The following RIPK4 variants were observed in gnomAD, a reference collection of about 807,000 sequenced individuals.
RIPK4 encodes receptor-interacting serine/threonine-protein kinase 4.
A neutral mutation model predicts 42.9 loss-of-function variants in RIPK4; 17 were observed. The ratio of observed to expected loss-of-function variants is 0.40; its 90% confidence interval spans 0.27 to 0.59. RIPK4 has a LOEUF of 0.59. RIPK4 is among the 20% of genes least tolerant of loss of function. RIPK4 has a pLI of 0.47. For missense variants in RIPK4, 897 were observed against 1,104.4 expected, an observed-to-expected ratio of 0.81 and a Z score of 2.66; for synonymous variants, 498 against 499.1, an observed-to-expected ratio of 1.00 and a Z score of 0.03.
rs2146043029 is a variant in RIPK4 at position 41,739,650 on chromosome 21, G to A, written c.*1188C>T. Reference sequence around the variant, plus strand: ...AAACTTATTCTAATAACAGTATTCAGAAGGCACCCTATGGGACACAGGTGA... The same window carrying A: ...AAACTTATTCTAATAACAGTATTCAAAAGGCACCCTATGGGACACAGGTGA... On this transcript the variant is annotated 3_prime_UTR_variant, in exon 8 of 8. Coordinates refer to ENST00000332512, the MANE Select transcript of RIPK4 (RefSeq NM_020639.3). 6.6e-6 allele frequency: 1 copy of A among 152,328 alleles called. No homozygotes were observed. The highest frequency in any genetic ancestry group is 6.5e-5 in the Admixed American group (1 of 15,306). 9.4% of individuals were successfully genotyped at this position (152,328 alleles called of 1,614,324 possible).
At position 41,741,910 on chromosome 21, in the gene RIPK4, G is replaced by T; in HGVS notation, c.1283C>A (p.Pro428Gln). Residue 428 changes from proline to glutamine, a missense_variant, in exon 8 of 8, where the codon CCG (proline) becomes CAG (glutamine). Physicochemically the swap from Pro to Gln is moderately conservative, Grantham distance 76. Transcript: ENST00000332512. ...DTSKLMKILQPQDVDLALDSG... is the reference protein window; with the variant it reads ...DTSKLMKILQQQDVDLALDSG... Reference sequence around the variant, plus strand: ...GTCCAGTGCCAGGTCCACGTCCTGCGGCTGCAGGATCTTCATCAGTTTGCT... The same window carrying T: ...GTCCAGTGCCAGGTCCACGTCCTGCTGCTGCAGGATCTTCATCAGTTTGCT... 2 of 1,613,390 alleles carry T rather than the reference G, an allele frequency of 1.2e-6. No individual in the cohort carries two copies.
intron 2 of RIPK4, among the ~76,000 whole-genome samples, chr21:41,754,128 G>A (rs1271144313): frequency 6.6e-6 from 1 of 152,072 alleles, no homozygotes; most frequent in Non-Finnish European, 1.5e-5. Flanking sequence ...CTAATTGCAG[G>A]ATTCTGGATT....
rs775714952 is a variant in RIPK4 at position 41,755,982 on chromosome 21, C to T, written c.474+543G>A. The stretch of plus-strand genomic sequence containing the variant: ...CAAGCTCCATCTCCCAGGCGTTGCA[C>T]TAACGCAACACGCTGCCACTCCGCA... On this transcript the variant is annotated intron_variant, in intron 2 of 7. Transcript: ENST00000332512. This position sits in a 1 kb window ranked among gnomAD's most constrained non-coding sequence, Gnocchi z 4.2. Among the ~76,000 whole-genome samples, 1 of 152,256 alleles carries T rather than the reference C, an allele frequency of 6.6e-6. No individual in the cohort carries two copies. Among genetic ancestry groups the T allele is most frequent in the Non-Finnish European group, 1.5e-5 (1 of 68,054 alleles).
chr21:41,744,817 C>T (rs73903702), intron 6 of RIPK4, among the ~76,000 whole-genome samples: 2,132 of 152,282 alleles, frequency 0.014, 54 homozygotes, highest in African/African-American at 0.049. Context: ...GGGAAGGACC[C>T]GGCTACAGGG....
intron 7 of RIPK4, 48 bp downstream of exon 7, chr21:41,743,834 T>C (rs986146299): frequency 1.3e-6 from 2 of 1,533,978 alleles, no homozygotes; most frequent in African/African-American, 1.4e-5. Flanking sequence ...CAGTCCACTG[T>C]CCCGCCAAGC....
chr21:41,752,186 G>T (rs541278694), intron 2 of RIPK4, among the ~76,000 whole-genome samples: 1 of 152,312 alleles, frequency 6.6e-6, no homozygotes, highest in African/African-American at 2.4e-5. Context: ...TGATCCAGGG[G>T]GAGTGCTGCT....
At chr21:41,747,764 G>A (rs371955218) in intron 4 of RIPK4, among the ~76,000 whole-genome samples, 13 of 152,286 alleles carry the variant, frequency 8.5e-5, no homozygotes, top group African/African-American at 2.6e-4. Flanking sequence ...GTAAACGCCC[G>A]GAATGTTTCC....
intron 1 of RIPK4, among the ~76,000 whole-genome samples, chr21:41,765,269 G>A (rs2061232744): frequency 6.6e-6 from 1 of 152,186 alleles, no homozygotes; most frequent in South Asian, 2.1e-4. Context: ...CCTAACCACT[G>A]GCTGGTATTC....
chr21:41,759,743 T>C (rs1353921543), intron 1 of RIPK4, among the ~76,000 whole-genome samples: 1 of 152,216 alleles, frequency 6.6e-6, no homozygotes, highest in Non-Finnish European at 1.5e-5. Flanking sequence ...AACGCATCCA[T>C]TTCTTAATGA....
intron 1 of RIPK4, among the ~76,000 whole-genome samples, chr21:41,758,427 C>A (rs1335761048): frequency 6.6e-6 from 1 of 152,152 alleles, no homozygotes; most frequent in African/African-American, 2.4e-5. Flanking sequence ...TATTCTGCTG[C>A]ACGAATGTAC....
chr21:41,766,620 G>A (rs2061237647), intron 1 of RIPK4, among the ~76,000 whole-genome samples: 1 of 152,136 alleles, frequency 6.6e-6, no homozygotes, highest in Non-Finnish European at 1.5e-5. Context: ...GGAGCCGCCT[G>A]ACCCGGCCCC....
intron 5 of RIPK4, chr21:41,746,320 G>A: frequency 1.7e-6 from 1 of 597,628 alleles, no homozygotes; most frequent in Non-Finnish European, 3.0e-6. Context: ...GAGCATGGCT[G>A]CACCTGAACT....
intron 4 of RIPK4, 27 bp from the exon 5 acceptor site, chr21:41,746,798 G>A (rs1444809291): frequency 1.3e-6 from 2 of 1,548,254 alleles, no homozygotes; most frequent in South Asian, 2.4e-5. Context: ...GCGAGTCAGG[G>A]GCTCTGCAGG....
chr21:41,757,458 G>A (rs1239509327), intron 1 of RIPK4, among the ~76,000 whole-genome samples: 1 of 150,950 alleles, frequency 6.6e-6, no homozygotes, highest in Non-Finnish European at 1.5e-5. Flanking sequence ...GGAGGCAGAG[G>A]TTGCAGTGAG....
intron 2 of RIPK4, among the ~76,000 whole-genome samples, chr21:41,754,261 C>T (rs1270034966): frequency 3.3e-5 from 5 of 152,228 alleles, no homozygotes; most frequent in East Asian, 1.9e-4. Context: ...AACCCCGACA[C>T]ACACTCCCTG....
intron 2 of RIPK4, among the ~76,000 whole-genome samples, chr21:41,752,503 C>T (rs1251672529): frequency 2.0e-5 from 3 of 152,258 alleles, no homozygotes; most frequent in East Asian, 1.9e-4. Flanking sequence ...GACAAGGCCT[C>T]GACTCCAGCG....
rs754684888 is a variant in RIPK4 at position 41,741,128 on chromosome 21, G to A, written c.2065C>T (p.Leu689Phe). The change falls in exon 8 of 8, where the codon CTT becomes TTT. Residue 689 changes from leucine to phenylalanine, a missense_variant. By Grantham distance (22) the Leu-to-Phe change is conservative. Transcript: ENST00000332512. ...RNGHLATVKL[L>F]VEEKADVLAR... ...AGCACATCGGCCTTCTCCTCGACAA[G>A]CAGCTTGACAGTGGCCAGGTGTCCG... is the stretch of plus-strand genomic sequence containing the variant. 6.2e-7 allele frequency: 1 copy of A among 1,612,850 alleles called. No homozygotes were observed. Among genetic ancestry groups the A allele is most frequent in the African/African-American group, 1.3e-5 (1 of 75,044 alleles).
chr21:41,764,479 C>G (rs543617514), intron 1 of RIPK4, among the ~76,000 whole-genome samples: 20 of 152,204 alleles, frequency 1.3e-4, no homozygotes, highest in Non-Finnish European at 2.2e-4. Context: ...AGAAGAGAAG[C>G]AAGACTTAGG....
intron 4 of RIPK4, among the ~76,000 whole-genome samples, chr21:41,748,904 G>A (rs2061179876): frequency 2.0e-5 from 3 of 152,106 alleles, no homozygotes; most frequent in South Asian, 2.1e-4. Context: ...ACTTTAAATG[G>A]CTAACATGAC....
Sources: allele counts gnomAD v4.1 joint callset (sites outside exome capture counted in the v4.1 genomes callset), GRCh38; gene constraint gnomAD v4.1.1; non-coding constraint Gnocchi (gnomAD v3.1); transcripts MANE v1.5; gene names NCBI Gene and HGNC (gene_info 2026-07-23, HGNC 2026-07-21).